STX12: variants seen among roughly 807,000 people sequenced by gnomAD.
STX12 encodes syntaxin 12, also known as syntaxin-12.
Under a neutral mutation model 42.2 loss-of-function variants are expected in STX12, and 17 were observed. The ratio of observed to expected loss-of-function variants is 0.40; its 90% confidence interval spans 0.28 to 0.60. The LOEUF is 0.60. Ranked by LOEUF, STX12 falls within the 20% of genes least tolerant of loss-of-function variation. The pLI is 0.39. For missense variants in STX12, 297 were observed against 330.9 expected (o/e 0.90, Z 0.79); for synonymous variants, 108 against 116.7 (o/e 0.93, Z 0.48).
intron 3 of STX12, 148 bp from the exon 4 acceptor site, chr1:27,801,530 C>A: frequency 1.1e-6 from 1 of 879,006 alleles, no homozygotes; most frequent in Non-Finnish European, 1.5e-6. Flanking sequence ...TAGCAAAGAG[C>A]AAATTTATTA....
chr1:27,804,550 G>A (rs1303050245), intron 4 of STX12, among the ~76,000 whole-genome samples: 3 of 151,796 alleles, frequency 2.0e-5, no homozygotes, highest in Non-Finnish European at 2.9e-5. Flanking sequence ...GGTGGCTCAC[G>A]CCTGTAATCC....
At chr1:27,781,022 G>A (rs750501944) in intron 1 of STX12, among the ~76,000 whole-genome samples, 14 of 151,960 alleles carry the variant, frequency 9.2e-5, no homozygotes, top group Non-Finnish European at 1.3e-4. Context: ...CATAGCAGGC[G>A]TTCAATAAAT....
chr1:27,793,882 A>G (rs762195881), intron 3 of STX12, among the ~76,000 whole-genome samples: 1 of 152,066 alleles, frequency 6.6e-6, no homozygotes, highest in Non-Finnish European at 1.5e-5. Flanking sequence ...GCTATTATTA[A>G]CATTATTAAT....
At chr1:27,812,669 G>A (rs1442457033) in intron 6 of STX12, among the ~76,000 whole-genome samples, 1 of 152,070 alleles carries the variant, frequency 6.6e-6, no homozygotes, top group African/African-American at 2.4e-5. Context: ...TTGAACTCAC[G>A]ACCTCAGGTG....
intron 6 of STX12, among the ~76,000 whole-genome samples, chr1:27,813,177 C>CTT (rs112069322): frequency 2.1e-5 from 3 of 144,294 alleles, no homozygotes; most frequent in African/African-American, 5.0e-5. Flanking sequence ...ATAAAATATC[C>CTT]TTTTTTTTTT....
At chr1:27,788,813 C>T (rs781750768) in intron 1 of STX12, among the ~76,000 whole-genome samples, 8 of 152,078 alleles carry the variant, frequency 5.3e-5, no homozygotes, top group Non-Finnish European at 1.0e-4. Context: ...AAATCCAGAC[C>T]ATCCTGGCTA....
rs2089006976 is a variant in STX12 at position 27,824,406 on chromosome 1, G to C, written c.*2077G>C. 2.0e-5 allele frequency: 3 copies of C among 152,222 alleles called. No homozygotes were observed. The South Asian group carries it at 6.2e-4, about 32-fold the overall frequency. The allele number at this position is 152,222 out of a possible 1,614,324, so 9.4% of individuals were successfully genotyped here. A position where few individuals can be genotyped will look rare whatever the true frequency, so the allele number is the denominator to read the frequency against. ...TAGAATTTGTGGTAGTTGCCAAAGA[G>C]GTTCTCCTAGGTGGTCTTAATAAAC... On this transcript the variant is annotated 3_prime_UTR_variant, in exon 9 of 9. Transcript: ENST00000373943.
At chr1:27,789,346 A>G (rs776479774) in intron 1 of STX12, among the ~76,000 whole-genome samples, 7 of 152,132 alleles carry the variant, frequency 4.6e-5, no homozygotes, top group African/African-American at 2.4e-5. Flanking sequence ...ACCACCTTCT[A>G]CTTTGTGACA....
At chr1:27,800,473 A>G (rs12086780) in intron 3 of STX12, among the ~76,000 whole-genome samples, 18,311 of 150,122 alleles carry the variant, frequency 0.12, 3,689 homozygotes, top group African/African-American at 0.42. Context: ...GAACAGGACA[A>G]TGCTGTCAGT....
At chr1:27,789,521 A>AT (rs773092196) in intron 1 of STX12, 41 bp from the exon 2 acceptor site, 1 of 1,516,734 alleles carries the variant, frequency 6.6e-7, no homozygotes, top group Non-Finnish European at 9.1e-7. Flanking sequence ...TGATGAATGT[A>AT]TTTTTCTTTT....
intron 4 of STX12, among the ~76,000 whole-genome samples, chr1:27,804,857 CTTTAATTTATATTGAAGTA>C (rs2088852668): frequency 6.6e-6 from 1 of 151,488 alleles, no homozygotes; most frequent in Non-Finnish European, 1.5e-5. Context: ...GGGTAATTTA[CTTTAATTTATATTGAAGTA>C]TTTAATTTAT....
intron 6 of STX12, among the ~76,000 whole-genome samples, chr1:27,814,607 G>A (rs1164349739): frequency 6.6e-6 from 1 of 152,004 alleles, no homozygotes; most frequent in African/African-American, 2.4e-5. Context: ...CCAGCACTTT[G>A]GGAGGCTGAG....
intron 1 of STX12, among the ~76,000 whole-genome samples, chr1:27,783,330 T>C (rs111909111): frequency 6.6e-6 from 1 of 152,088 alleles, no homozygotes; most frequent in African/African-American, 2.4e-5. Flanking sequence ...TTGTTTGTTT[T>C]TTGTTTTTGT....
At chr1:27,774,124 C>G (rs963576534) in intron 1 of STX12, 1 of 152,146 alleles carries the variant, frequency 6.6e-6, no homozygotes, top group African/African-American at 2.4e-5. Flanking sequence ...TTTTGTTTTC[C>G]TTCCCTACTT....
intron 7 of STX12, among the ~76,000 whole-genome samples, chr1:27,819,270 TAAAAAAA>T (rs1193228798): frequency 8.8e-6 from 1 of 114,274 alleles, no homozygotes; most frequent in African/African-American, 3.3e-5. Context: ...TCCCGTCTCT[TAAAAAAA>T]AAAAAAAAAA....
At chr1:27,788,565 G>A (rs190859629) in intron 1 of STX12, among the ~76,000 whole-genome samples, 189 of 152,292 alleles carry the variant, frequency 1.2e-3, no homozygotes, top group African/African-American at 4.3e-3. Flanking sequence ...ATGTTTGACT[G>A]TATTATGGTA....
At chr1:27,793,937 C>T (rs2088766900) in intron 3 of STX12, among the ~76,000 whole-genome samples, 1 of 150,830 alleles carries the variant, frequency 6.6e-6, no homozygotes, top group African/African-American at 2.4e-5. Context: ...TCAACATTTG[C>T]ATCTCTTTGG....
chr1:27,795,150 C>A (rs927597160), intron 3 of STX12, among the ~76,000 whole-genome samples: 1 of 152,018 alleles, frequency 6.6e-6, no homozygotes, highest in Non-Finnish European at 1.5e-5. Flanking sequence ...GCTAGTGGAA[C>A]ATGAAGTCAT....
Position 27,773,345 on chromosome 1 carries a change from G to A in STX12, c.38G>A (p.Gly13Glu). The A allele has an allele frequency of 6.2e-7, 1 of 1,612,456 alleles. No homozygotes were observed. Among genetic ancestry groups the A allele is most frequent in the Non-Finnish European group, 8.5e-7 (1 of 1,179,028 alleles). Residue 13 changes from glycine to glutamate, a missense_variant, in exon 1 of 9, where the codon GGG (glycine) becomes GAG (glutamate). Gly to Glu is a moderately conservative substitution (Grantham distance 98). Coordinates refer to ENST00000373943, the MANE Select transcript of STX12 (RefSeq NM_177424.3). ...YGPLDMYRNPGPSGPQLRDFS... is the reference protein window; with the variant it reads ...YGPLDMYRNPEPSGPQLRDFS... ...CCCTTAGACATGTACCGGAACCCGG[G>A]GCCCTCGGGGCCCCAGCTCCGGGAC...
Sources: gnomAD v4.1 joint callset for allele counts (sites outside exome capture counted in the v4.1 genomes callset) on GRCh38, gnomAD v4.1.1 for gene constraint, MANE v1.5 for transcripts, NCBI Gene and HGNC (gene_info 2026-07-23, HGNC 2026-07-21) for gene names.